PCDH9: variants seen among roughly 807,000 people sequenced by gnomAD.
PCDH9 encodes the protein protocadherin-9.
Under a neutral mutation model 70.6 loss-of-function variants are expected in PCDH9, and 24 were observed. That is an observed-to-expected ratio of 0.34 (90% CI 0.25 to 0.48). The LOEUF (loss-of-function observed/expected upper bound fraction) is 0.48. PCDH9 is among the 20% of genes least tolerant of loss of function. The pLI, the probability that PCDH9 is intolerant of heterozygous loss-of-function variation, is 0.99. For missense variants in PCDH9, 1,281 were observed against 1,503.6 expected (o/e 0.85, Z 2.45); for synonymous variants, 562 against 558.5 (o/e 1.01, Z -0.09).
intron 4 of PCDH9, among the ~76,000 whole-genome samples, chr13:66,490,439 C>G (rs1162103699): frequency 6.6e-6 from 1 of 152,142 alleles, no homozygotes; most frequent in Non-Finnish European, 1.5e-5. Context: ...CTTTTTAAAT[C>G]TGTGGACCTT....
At chr13:66,709,108 G>A (rs947428419) in intron 3 of PCDH9, among the ~76,000 whole-genome samples, 10 of 152,088 alleles carry the variant, frequency 6.6e-5, no homozygotes, top group African/African-American at 2.4e-4. Flanking sequence ...AACACGACTT[G>A]ACAATTGATT....
chr13:66,921,998 A>C (rs2082643914), intron 2 of PCDH9, among the ~76,000 whole-genome samples: 1 of 151,312 alleles, frequency 6.6e-6, no homozygotes, highest in Admixed American at 6.6e-5. Context: ...AGTTTATGAA[A>C]ACTTTGTCAA....
At chr13:66,855,070 G>T (rs1022881570) in intron 3 of PCDH9, among the ~76,000 whole-genome samples, 4 of 152,004 alleles carry the variant, frequency 2.6e-5, no homozygotes, top group Non-Finnish European at 5.9e-5. Context: ...GAAAATTTAG[G>T]TAACACTAAA....
intron 2 of PCDH9, among the ~76,000 whole-genome samples, chr13:66,933,105 TACTC>T (rs943483474): frequency 6.6e-5 from 10 of 151,996 alleles, no homozygotes; most frequent in African/African-American, 2.4e-4. Flanking sequence ...ATATTAATAT[TACTC>T]AGTGTTATAG....
At chr13:66,531,675 T>C (rs1960463911) in intron 4 of PCDH9, among the ~76,000 whole-genome samples, 1 of 152,144 alleles carries the variant, frequency 6.6e-6, no homozygotes, top group African/African-American at 2.4e-5. Context: ...CTCTAAATAC[T>C]TAAAATGCAA....
At chr13:66,709,804 T>C (rs1473033901) in intron 3 of PCDH9, among the ~76,000 whole-genome samples, 1 of 152,138 alleles carries the variant, frequency 6.6e-6, no homozygotes, top group African/African-American at 2.4e-5. Context: ...TTTAATGGAA[T>C]AGTAGAAAAA....
At chr13:66,376,928 T>C (rs916712385) in intron 4 of PCDH9, among the ~76,000 whole-genome samples, 5 of 152,166 alleles carry the variant, frequency 3.3e-5, no homozygotes, top group Admixed American at 6.6e-5. Flanking sequence ...TTATCTGGGA[T>C]GATAGCATCA....
intron 4 of PCDH9, among the ~76,000 whole-genome samples, chr13:66,600,820 GT>G (rs113866875): frequency 0.027 from 3,778 of 142,174 alleles, 366 homozygotes; most frequent in African/African-American, 0.09. Flanking sequence ...TTTATATCAT[GT>G]TATAATTGTT....
At chr13:66,432,805 A>G (rs183099913) in intron 4 of PCDH9, among the ~76,000 whole-genome samples, 56 of 152,130 alleles carry the variant, frequency 3.7e-4, no homozygotes, top group Non-Finnish European at 5.2e-4. Flanking sequence ...AAAATGAGGA[A>G]GAAATAGTGA....
At chr13:66,671,525 G>A (rs2078175139) in intron 3 of PCDH9, among the ~76,000 whole-genome samples, 1 of 152,198 alleles carries the variant, frequency 6.6e-6, no homozygotes, top group South Asian at 2.1e-4. Flanking sequence ...CCAAAATGCT[G>A]ACAGTGATAC....
Position 67,127,702 on chromosome 13 carries a change from A to ATG in PCDH9, c.3036+97701_3036+97702dup, listed in dbSNP as rs753238128. ...TGTGTGTGTGTGTGTGTGTGTGTGT[A>ATG]TGTGTGTGTGTGTACATATGTATAT... On this transcript the variant is annotated intron_variant, in intron 2 of 4. Transcript: ENST00000377865. Among the ~76,000 whole-genome samples the ATG allele has an allele frequency of 3.5e-4, 14 of 40,366 alleles. No homozygotes were observed. In the South Asian group the frequency reaches 4.7e-3, roughly 14 times the overall value. The allele number at this position is 40,366 out of a possible 152,430, so 26.5% of individuals were successfully genotyped here. A position where few individuals can be genotyped will look rare whatever the true frequency, so the allele number is the denominator to read the frequency against.
At chr13:66,703,435 AATGCTAT>A (rs1467845750) in intron 3 of PCDH9, among the ~76,000 whole-genome samples, 1 of 152,210 alleles carries the variant, frequency 6.6e-6, no homozygotes, top group East Asian at 1.9e-4. Flanking sequence ...AACTTTAGTT[AATGCTAT>A]AATAGACCAA....
At chr13:67,024,792 T>A (rs2084746947) in intron 2 of PCDH9, among the ~76,000 whole-genome samples, 1 of 152,126 alleles carries the variant, frequency 6.6e-6, no homozygotes, top group South Asian at 2.1e-4. Flanking sequence ...TGTCTGTTGC[T>A]ATTATATTGC....
intron 4 of PCDH9, among the ~76,000 whole-genome samples, chr13:66,513,444 A>G (rs1663112953): frequency 6.6e-6 from 1 of 152,058 alleles, no homozygotes. Context: ...CGTTTTACAT[A>G]ATTTCATTCG....
chr13:66,862,743 T>G (rs2081505101), intron 3 of PCDH9, among the ~76,000 whole-genome samples: 1 of 152,210 alleles, frequency 6.6e-6, no homozygotes, highest in African/African-American at 2.4e-5. Context: ...TCAAAAAGAA[T>G]GACCTATGAC....
intron 4 of PCDH9, among the ~76,000 whole-genome samples, chr13:66,419,775 T>G (rs1957529839): frequency 6.6e-6 from 1 of 151,710 alleles, no homozygotes; most frequent in African/African-American, 2.4e-5. Context: ...TTTTTTTTTT[T>G]TTTTTCCCCC....
At chr13:66,788,510 A>G (rs1302463038) in intron 3 of PCDH9, among the ~76,000 whole-genome samples, 2 of 152,104 alleles carry the variant, frequency 1.3e-5, no homozygotes, top group Non-Finnish European at 1.5e-5. Context: ...ATTTATCGTG[A>G]CGTCCAGCAT....
intron 4 of PCDH9, among the ~76,000 whole-genome samples, chr13:66,601,502 G>A (rs535527339): frequency 5.5e-5 from 8 of 146,312 alleles, no homozygotes; most frequent in African/African-American, 2.0e-4. Flanking sequence ...TTTGATGAGC[G>A]AAGGAAGAGC....
intron 3 of PCDH9, among the ~76,000 whole-genome samples, chr13:66,745,955 T>A (rs534960226): frequency 6.6e-6 from 1 of 152,322 alleles, no homozygotes; most frequent in Non-Finnish European, 1.5e-5. Context: ...TATCGCCACC[T>A]GTTTAAAATT....
Sources: allele counts gnomAD v4.1 joint callset (sites outside exome capture counted in the v4.1 genomes callset), GRCh38; gene constraint gnomAD v4.1.1; transcripts MANE v1.5; gene names NCBI Gene and HGNC (gene_info 2026-07-23, HGNC 2026-07-21).